The following ZMAT4 variants were observed in gnomAD, a reference collection of about 807,000 sequenced individuals.
The protein encoded by ZMAT4 is zinc finger matrin-type protein 4.
ZMAT4 carries 17 observed loss-of-function variants against 28.7 expected under a neutral mutation model. The observed-to-expected ratio is 0.59, with a 90% CI of 0.41 to 0.89. The LOEUF (loss-of-function observed/expected upper bound fraction) is 0.89. ZMAT4 is among the 40% of genes least tolerant of loss of function. The probability of loss-of-function intolerance (pLI) is 0.00; values close to 1 mark genes in which losing one functional copy is unlikely to be tolerated. For synonymous variants in ZMAT4, 117 were observed against 109.2 expected, an observed-to-expected ratio of 1.07 and a Z score of -0.44; for missense variants, 240 against 283.8, an observed-to-expected ratio of 0.85 and a Z score of 1.11.
chr8:40,862,248 G>T (rs1048196344), intron 1 of ZMAT4, among the ~76,000 whole-genome samples: 7 of 151,930 alleles, frequency 4.6e-5, no homozygotes, highest in South Asian at 2.1e-4. Flanking sequence ...CCATAAAAAA[G>T]GATGAGTTCA....
chr8:40,839,356 C>G (rs1327240165), intron 1 of ZMAT4, among the ~76,000 whole-genome samples: 1 of 152,164 alleles, frequency 6.6e-6, no homozygotes, highest in Non-Finnish European at 1.5e-5. Context: ...AGCATTTTGT[C>G]TAGAATGGCA....
intron 1 of ZMAT4, among the ~76,000 whole-genome samples, chr8:40,855,630 G>A (rs900383935): frequency 6.6e-6 from 1 of 151,742 alleles, no homozygotes; most frequent in South Asian, 2.1e-4. Context: ...AAGACCTACA[G>A]GTAGCTCTGT....
intron 5 of ZMAT4, among the ~76,000 whole-genome samples, chr8:40,614,748 C>T (rs1226090349): frequency 1.3e-5 from 2 of 152,108 alleles, no homozygotes; most frequent in East Asian, 1.9e-4. Context: ...GGATTGCAAC[C>T]CGTGCTGTTT....
rs553923003 is a variant in ZMAT4 at position 40,537,639 on chromosome 8, G to A, written c.675-5401C>T. Among the ~76,000 whole-genome samples, 784 of 152,242 alleles carry A rather than the reference G, an allele frequency of 5.1e-3. 7 individuals carry two copies. The highest frequency in any genetic ancestry group is 0.018 in the African/African-American group (741 of 41,558). On this transcript the variant is annotated intron_variant, in intron 6 of 6. Coordinates refer to ENST00000297737, the MANE Select transcript of ZMAT4 (RefSeq NM_024645.3). ...CAGAACAGTTTATTCCCTTAAGAAG[G>A]CAAATATTCTCTTTATAATCTTGTT...
intron 5 of ZMAT4, among the ~76,000 whole-genome samples, chr8:40,663,632 T>A (rs991179335): frequency 6.6e-6 from 1 of 152,184 alleles, no homozygotes; most frequent in Non-Finnish European, 1.5e-5. Flanking sequence ...AGTTTAATTA[T>A]CTAATCCAAA....
intron 1 of ZMAT4, among the ~76,000 whole-genome samples, chr8:40,840,905 C>A (rs1402915589): frequency 6.6e-6 from 1 of 152,140 alleles, no homozygotes; most frequent in Non-Finnish European, 1.5e-5. Context: ...ATAACACTTC[C>A]TACCCACTGC....
At chr8:40,753,422 T>C (rs910480365) in intron 3 of ZMAT4, among the ~76,000 whole-genome samples, 2 of 152,324 alleles carry the variant, frequency 1.3e-5, no homozygotes, top group South Asian at 2.1e-4. Flanking sequence ...AAGCATCACG[T>C]ATTCAGGAAA....
chr8:40,881,441 A>AAGAG (rs1176342416), intron 1 of ZMAT4, among the ~76,000 whole-genome samples: 94 of 82,278 alleles, frequency 1.1e-3, no homozygotes, highest in African/African-American at 4.7e-3. Flanking sequence ...GAGAGAAAGA[A>AAGAG]AGAAAGAAAG....
rs1811835427 is a variant in ZMAT4, at chr8:40,737,813, T to A, written c.192+29828A>T. 3.0e-5 allele frequency among the ~76,000 whole-genome samples: 4 copies of A among 131,800 alleles called. No homozygotes were observed. The South Asian group carries it at 8.8e-4, about 29-fold the overall frequency. 86.5% of individuals were successfully genotyped at this position (131,800 alleles called of 152,430 possible). ...TTTAATCTGTCTTATCCTTTGCTTA[T>A]TTTTTTTTTTTAATGAAGAGGATAA... On this transcript the variant is annotated intron_variant, in intron 3 of 6. Transcript: ENST00000297737.
intron 2 of ZMAT4, among the ~76,000 whole-genome samples, chr8:40,802,518 T>A (rs1185265033): frequency 1.3e-5 from 2 of 152,044 alleles, no homozygotes; most frequent in East Asian, 3.9e-4. Flanking sequence ...ATGTATAAGA[T>A]CTATATAAGA....
At chr8:40,720,562 C>T (rs1351037202) in intron 3 of ZMAT4, among the ~76,000 whole-genome samples, 1 of 133,770 alleles carries the variant, frequency 7.5e-6, no homozygotes, top group Non-Finnish European at 1.5e-5. Context: ...GAGTCTTGCT[C>T]TGTCACCCAG....
At chr8:40,610,838 G>GA (rs574609393) in intron 5 of ZMAT4, among the ~76,000 whole-genome samples, 441 of 144,656 alleles carry the variant, frequency 3.0e-3, no homozygotes, top group Non-Finnish European at 4.1e-3. Context: ...ATAGGCCATA[G>GA]AAAAAATGAA....
At chr8:40,802,092 A>C (rs1814874192) in intron 2 of ZMAT4, among the ~76,000 whole-genome samples, 1 of 152,242 alleles carries the variant, frequency 6.6e-6, no homozygotes, top group African/African-American at 2.4e-5. Context: ...ATTATAAAGA[A>C]CATCTACAAG....
chr8:40,589,127 A>T (rs931850790), intron 5 of ZMAT4, among the ~76,000 whole-genome samples: 2 of 152,170 alleles, frequency 1.3e-5, no homozygotes, highest in African/African-American at 4.8e-5. Context: ...GCTAATACTG[A>T]TATATGCCAT....
chr8:40,705,840 C>T (rs1057482840), intron 3 of ZMAT4, among the ~76,000 whole-genome samples: 2 of 152,154 alleles, frequency 1.3e-5, no homozygotes, highest in Non-Finnish European at 2.9e-5. Flanking sequence ...TCTTTCCTTT[C>T]AGGAAGTATT....
chr8:40,856,935 A>G (rs1308052087), intron 1 of ZMAT4, among the ~76,000 whole-genome samples: 1 of 152,186 alleles, frequency 6.6e-6, no homozygotes, highest in Non-Finnish European at 1.5e-5. Flanking sequence ...GGCCTCATCC[A>G]TTTTTTAACC....
At chr8:40,557,419 T>C (rs1261167738) in intron 6 of ZMAT4, among the ~76,000 whole-genome samples, 1 of 152,072 alleles carries the variant, frequency 6.6e-6, no homozygotes, top group Non-Finnish European at 1.5e-5. Context: ...CATTCCAGGG[T>C]TTTTTCTAGT....
intron 1 of ZMAT4, among the ~76,000 whole-genome samples, chr8:40,874,960 A>G (rs1817988170): frequency 6.6e-6 from 1 of 152,106 alleles, no homozygotes; most frequent in African/African-American, 2.4e-5. Flanking sequence ...CACATGGCGC[A>G]CTCCAGAATG....
rs150484906 is a variant in ZMAT4, at chr8:40,554,338, T to G, written c.675-22100A>C. On this transcript the variant is annotated intron_variant, in intron 6 of 6. Coordinates refer to ENST00000297737, the MANE Select transcript of ZMAT4 (RefSeq NM_024645.3). ...ATTGTTTTTTTAAGACAAACAAAAA[T>G]TAACTAAAGAGTTAATTAACTAAGT... is the stretch of plus-strand genomic sequence containing the variant. 6.1e-3 allele frequency among the ~76,000 whole-genome samples: 923 copies of G among 152,166 alleles called. 11 individuals are homozygous for G. The highest frequency in any genetic ancestry group is 0.021 in the African/African-American group (852 of 41,512).
Sources: allele counts gnomAD v4.1 joint callset (sites outside exome capture counted in the v4.1 genomes callset), GRCh38; gene constraint gnomAD v4.1.1; transcripts MANE v1.5; gene names NCBI Gene and HGNC (gene_info 2026-07-23, HGNC 2026-07-21).